The following SACM1L variants were observed in gnomAD, a reference collection of about 807,000 sequenced individuals.
The protein encoded by SACM1L is SAC1 like phosphatidylinositide phosphatase.
In SACM1L, 32 loss-of-function variants were observed where a neutral mutation model predicts 89.5. The observed-to-expected ratio is 0.36, with a 90% CI of 0.27 to 0.48. The LOEUF is 0.48. Among genes scored for constraint, SACM1L ranks in the 20% least tolerant of loss-of-function variants. The pLI, the probability that SACM1L is intolerant of heterozygous loss-of-function variation, is 0.99. For missense variants in SACM1L, 543 were observed against 708.5 expected (o/e 0.77, Z 2.65); for synonymous variants, 213 against 232.8 (o/e 0.92, Z 0.77).
intron 1 of SACM1L, chr3:45,690,201 A>G (rs1473818488): frequency 6.6e-6 from 1 of 152,228 alleles, no homozygotes; most frequent in Non-Finnish European, 1.5e-5. Context: ...AAGAGTTATA[A>G]AATAGGTGTT....
rs531223206 is a variant in SACM1L, at chr3:45,744,615, A to G, written c.*946A>G. On this transcript the variant is annotated 3_prime_UTR_variant, in exon 20 of 20. Transcript: ENST00000389061. ...ACTCTTGATGTTTTTCACTCTGTCA[A>G]GGATTTTGTTGGCTATCAATGAATG... is the stretch of plus-strand genomic sequence containing the variant. 1.9e-4 allele frequency: 29 copies of G among 152,762 alleles called. No homozygotes were observed. Among genetic ancestry groups the G allele is most frequent in the African/African-American group, 6.3e-4 (26 of 41,576 alleles). 9.5% of individuals were successfully genotyped at this position (152,762 alleles called of 1,614,324 possible). A position where few individuals can be genotyped will look rare whatever the true frequency, so the allele number is the denominator to read the frequency against.
In SACM1L at chr3:45,689,434, C is replaced by T. The variant is rs774015042; in HGVS notation, c.-32C>T. ...AGGTGGCGGCGCGGGGCGGGGCGGG[C>T]GGAGAGAGAAGGAAGGAGGTGGTTG... On this transcript the variant is annotated 5_prime_UTR_variant, in exon 1 of 20. Coordinates refer to ENST00000389061, the MANE Select transcript of SACM1L (RefSeq NM_014016.5). 7.1e-6 allele frequency: 11 copies of T among 1,553,638 alleles called. No homozygotes were observed. In the South Asian group the frequency reaches 9.5e-5, roughly 13 times the overall value.
intron 19 of SACM1L, among the ~76,000 whole-genome samples, chr3:45,740,920 T>C (rs1357438286): frequency 6.6e-6 from 1 of 152,264 alleles, no homozygotes; most frequent in African/African-American, 2.4e-5. Flanking sequence ...TAAAATTGCC[T>C]GAGAACCTGA....
At chr3:45,714,008 TA>T in intron 6 of SACM1L, 37 bp from the exon 7 acceptor site, 1 of 1,127,574 alleles carries the variant, frequency 8.9e-7, no homozygotes, top group Non-Finnish European at 1.2e-6. Flanking sequence ...TATTTATTTT[TA>T]AAGTATATTT....
At chr3:45,728,077 G>A (rs1166420911) in intron 11 of SACM1L, among the ~76,000 whole-genome samples, 1 of 152,142 alleles carries the variant, frequency 6.6e-6, no homozygotes, top group African/African-American at 2.4e-5. Flanking sequence ...CACTTAGAGT[G>A]TATTTTGTCT....
At position 45,716,960 on chromosome 3, in the gene SACM1L, A is replaced by G. The variant is rs1057242454; in HGVS notation, c.578-2540A>G. Among the ~76,000 whole-genome samples, 3 of 152,206 alleles carry G rather than the reference A, an allele frequency of 2.0e-5. No individual in the cohort carries two copies. The South Asian group carries it at 6.2e-4, about 32-fold the overall frequency. On this transcript the variant is annotated intron_variant, in intron 7 of 19. Coordinates refer to ENST00000389061, the MANE Select transcript of SACM1L (RefSeq NM_014016.5). ...AACATGATTCATAAAGCAGTCAGTC[A>G]TATTCTCTGCTAGATTTAGCTCTCT...
At chr3:45,741,507 C>G (rs1006666721) in intron 19 of SACM1L, among the ~76,000 whole-genome samples, 1 of 152,248 alleles carries the variant, frequency 6.6e-6, no homozygotes, top group Non-Finnish European at 1.5e-5. Context: ...CTCCTTTGTC[C>G]AGGATATAGT....
At chr3:45,722,468 A>G (rs761090004) in intron 9 of SACM1L, among the ~76,000 whole-genome samples, 2 of 152,182 alleles carry the variant, frequency 1.3e-5, no homozygotes, top group Non-Finnish European at 1.5e-5. Context: ...GTTGTACACC[A>G]CTTGCTGCTC....
chr3:45,727,445 G>T (rs1321904433), intron 11 of SACM1L, among the ~76,000 whole-genome samples: 1 of 152,104 alleles, frequency 6.6e-6, no homozygotes, highest in African/African-American at 2.4e-5. Context: ...TTGTCTTAGA[G>T]AATATTTCAT....
At chr3:45,714,239 TTG>T (rs200685145) in intron 7 of SACM1L, among the ~76,000 whole-genome samples, 160 bp downstream of exon 7, 71,432 of 119,232 alleles carry the variant, frequency 0.6, 17,575 homozygotes, top group Middle Eastern at 0.69. Context: ...GCTATTTTGT[TTG>T]TTTTTTTTTT....
intron 8 of SACM1L, among the ~76,000 whole-genome samples, chr3:45,721,791 A>G (rs1698793848): frequency 6.6e-6 from 1 of 152,136 alleles, no homozygotes; most frequent in Admixed American, 6.5e-5. Flanking sequence ...TAGGTTTTTA[A>G]TACTCCTCTT....
chr3:45,691,835 C>T (rs1378543815), intron 1 of SACM1L, among the ~76,000 whole-genome samples: 1 of 152,130 alleles, frequency 6.6e-6, no homozygotes, highest in Non-Finnish European at 1.5e-5. Flanking sequence ...TTTTCTCCAG[C>T]CCATCTCTGC....
At chr3:45,735,105 C>A in intron 13 of SACM1L, 130 bp from the exon 14 acceptor site, 1 of 891,086 alleles carries the variant, frequency 1.1e-6, no homozygotes, top group Non-Finnish European at 1.6e-6. Context: ...CCTGACCACA[C>A]ATTCCTGTCT....
intron 1 of SACM1L, among the ~76,000 whole-genome samples, chr3:45,697,202 G>T (rs1317738809): frequency 3.4e-5 from 5 of 148,502 alleles, no homozygotes; most frequent in Non-Finnish European, 7.4e-5. Context: ...AGATCTCGCT[G>T]TGTTGACCAG....
chr3:45,731,537 C>T (rs1180172575), intron 12 of SACM1L, among the ~76,000 whole-genome samples, 157 bp downstream of exon 12: 1 of 152,198 alleles, frequency 6.6e-6, no homozygotes, highest in Admixed American at 6.5e-5. Flanking sequence ...ATTTCTCTAG[C>T]ATAATTTATG....
rs1302260028 is a variant in SACM1L at position 45,731,500 on chromosome 3, C to A, written c.1001+120C>A. The A allele has an allele frequency of 7.6e-6, 4 of 523,210 alleles. No individual in the cohort carries two copies. The East Asian group carries it at 1.4e-4, about 18-fold the overall frequency. 32.4% of individuals were successfully genotyped at this position (523,210 alleles called of 1,614,324 possible). A position where few individuals can be genotyped will look rare whatever the true frequency, so the allele number is the denominator to read the frequency against. ...GCTTGCATTTTTTTCAATAGTAGAT[C>A]AAAGCATGATATTTTGTTGGCTTGA... is the stretch of plus-strand genomic sequence containing the variant. On this transcript the variant is annotated intron_variant, in intron 12 of 19. Transcript: ENST00000389061.
In SACM1L at chr3:45,732,099, G is replaced by C; in HGVS notation, c.1048G>C (p.Asp350His). Residue 350 changes from aspartate to histidine, a missense_variant, in exon 13 of 20, where the codon GAT (aspartate) becomes CAT (histidine). Asp to His is a moderately conservative substitution (Grantham distance 81). Coordinates refer to ENST00000389061, the MANE Select transcript of SACM1L (RefSeq NM_014016.5). Reference protein sequence around the residue: ...FHKECKNMRWDRLSILLDQVA... With the variant: ...FHKECKNMRWHRLSILLDQVA... ...TAAGGAATGTAAAAATATGAGATGG[G>C]ATCGACTAAGTATTTTATTGGATCA... is the stretch of plus-strand genomic sequence containing the variant. 1 of 1,605,430 alleles carries C rather than the reference G, an allele frequency of 6.2e-7. No individual in the cohort carries two copies. The highest frequency in any genetic ancestry group is 8.5e-7 in the Non-Finnish European group (1 of 1,177,204).
intron 4 of SACM1L, chr3:45,707,150 G>A (rs1698418224): frequency 6.4e-6 from 2 of 310,202 alleles, no homozygotes; most frequent in Non-Finnish European, 1.2e-5. Context: ...ATGGAGAGAA[G>A]GGAAAACAGA....
In SACM1L at chr3:45,689,445, G is replaced by A. The variant is rs183358538; in HGVS notation, c.-21G>A. ...CGGGGCGGGGCGGGCGGAGAGAGAA[G>A]GAAGGAGGTGGTTGTGCAGGATGGC... On this transcript the variant is annotated 5_prime_UTR_variant, in exon 1 of 20. Coordinates refer to ENST00000389061, the MANE Select transcript of SACM1L (RefSeq NM_014016.5). 0.018 allele frequency: 28,687 copies of A among 1,560,490 alleles called. 330 individuals are homozygous for A. Among genetic ancestry groups the A allele is most frequent in the Non-Finnish European group, 0.022 (25,072 of 1,152,820 alleles).
Sources: gnomAD v4.1 joint callset for allele counts (sites outside exome capture counted in the v4.1 genomes callset) on GRCh38, gnomAD v4.1.1 for gene constraint, MANE v1.5 for transcripts, NCBI Gene and HGNC (gene_info 2026-07-23, HGNC 2026-07-21) for gene names.